The following TMEM108 variants were observed in gnomAD, a reference collection of about 807,000 sequenced individuals.
The protein encoded by TMEM108 is cancer/testis antigen 124.
TMEM108 carries 12 observed loss-of-function variants against 35.1 expected under a neutral mutation model. That is an observed-to-expected ratio of 0.34 (90% confidence interval 0.22 to 0.55). TMEM108 has a LOEUF of 0.55. Among genes scored for constraint, TMEM108 ranks in the 20% least tolerant of loss-of-function variants. TMEM108 has a pLI of 0.89. For synonymous variants in TMEM108, 287 were observed against 308.6 expected (o/e 0.93, Z 0.73); for missense variants, 680 against 753.3 (o/e 0.90, Z 1.14).
At chr3:133,088,874 C>T (rs1036071638) in intron 2 of TMEM108, among the ~76,000 whole-genome samples, 3 of 152,150 alleles carry the variant, frequency 2.0e-5, no homozygotes, top group Non-Finnish European at 1.5e-5. Context: ...TCCATTCTTG[C>T]ATTGCTATCA....
intron 2 of TMEM108, among the ~76,000 whole-genome samples, chr3:133,134,916 C>T (rs1011791369): frequency 6.6e-6 from 1 of 152,074 alleles, no homozygotes; most frequent in East Asian, 1.9e-4. Context: ...GTTGTTTGCT[C>T]TATGTCTGTC....
chr3:133,255,456 C>T (rs532995061), intron 3 of TMEM108, among the ~76,000 whole-genome samples: 2 of 151,930 alleles, frequency 1.3e-5, no homozygotes, highest in Non-Finnish European at 1.5e-5. Flanking sequence ...TGTACTAAAA[C>T]AGAGCTTAAG....
chr3:133,123,190 C>G (rs1944375205), intron 2 of TMEM108, among the ~76,000 whole-genome samples: 1 of 152,166 alleles, frequency 6.6e-6, no homozygotes, highest in African/African-American at 2.4e-5. Context: ...TTTTTAATGG[C>G]TATATTGTAT....
At chr3:133,332,202 G>C (rs1024051214) in intron 3 of TMEM108, among the ~76,000 whole-genome samples, 5 of 152,160 alleles carry the variant, frequency 3.3e-5, no homozygotes, top group African/African-American at 1.2e-4. Flanking sequence ...AAGTCTTATA[G>C]GGGAGGGGTG....
In TMEM108 at chr3:133,296,761, G is replaced by C. The variant is rs116006985; in HGVS notation, c.40+67410G>C. Among the ~76,000 whole-genome samples, 387 of 152,194 alleles carry C rather than the reference G, an allele frequency of 2.5e-3. 1 individual carries two copies. The highest frequency in any genetic ancestry group is 8.8e-3 in the African/African-American group (367 of 41,518). On this transcript the variant is annotated intron_variant, in intron 3 of 5. Coordinates refer to ENST00000321871, the MANE Select transcript of TMEM108 (RefSeq NM_023943.4). ...CTGAGAGCTGGCATAGAAGGATTAG[G>C]AGCACACATAGAGGGAGTGTCCAGC...
chr3:133,224,538 G>T (rs1946039822), intron 2 of TMEM108, among the ~76,000 whole-genome samples: 1 of 152,088 alleles, frequency 6.6e-6, no homozygotes, highest in African/African-American at 2.4e-5. Context: ...AATCATGGGG[G>T]TGGTTTTCCC....
intron 1 of TMEM108, among the ~76,000 whole-genome samples, chr3:133,043,392 AT>A (rs1943298177): frequency 6.6e-6 from 1 of 152,164 alleles, no homozygotes; most frequent in Non-Finnish European, 1.5e-5. Context: ...GGGGTAAGAT[AT>A]GGGGTAAACT....
At chr3:133,079,570 T>C (rs1943784692) in intron 2 of TMEM108, among the ~76,000 whole-genome samples, 1 of 152,192 alleles carries the variant, frequency 6.6e-6, no homozygotes, top group African/African-American at 2.4e-5. Context: ...CTGGAGTCCC[T>C]CTTACAAGGG....
intron 2 of TMEM108, among the ~76,000 whole-genome samples, chr3:133,126,453 T>A (rs1251913594): frequency 1.4e-5 from 2 of 148,146 alleles, no homozygotes; most frequent in East Asian, 4.0e-4. Flanking sequence ...GGCAACAGAG[T>A]GAGACTTTGT....
intron 3 of TMEM108, among the ~76,000 whole-genome samples, chr3:133,377,015 C>T (rs1253909391): frequency 6.6e-6 from 1 of 152,158 alleles, no homozygotes; most frequent in East Asian, 1.9e-4. Flanking sequence ...CTCTAGCTGC[C>T]GTGTCCTCAC....
At chr3:133,129,179 C>T (rs1040242098) in intron 2 of TMEM108, among the ~76,000 whole-genome samples, 1 of 151,950 alleles carries the variant, frequency 6.6e-6, no homozygotes, top group Non-Finnish European at 1.5e-5. Context: ...ACCCTGTCTA[C>T]CAAAAATACA....
chr3:133,135,970 A>AG (rs1944559734), intron 2 of TMEM108, among the ~76,000 whole-genome samples: 1 of 152,146 alleles, frequency 6.6e-6, no homozygotes, highest in Admixed American at 6.5e-5. Context: ...TTGAGATGTT[A>AG]GGGGGGATAT....
intron 3 of TMEM108, among the ~76,000 whole-genome samples, chr3:133,378,854 G>A (rs550985843): frequency 6.7e-6 from 1 of 148,662 alleles, no homozygotes; most frequent in Non-Finnish European, 1.5e-5. Context: ...TACTCAAAAA[G>A]GCTGGATATC....
Position 133,390,173 on chromosome 3 carries a change from T to A in TMEM108, c.1451-7T>A. The A allele has an allele frequency of 6.2e-7, 1 of 1,614,010 alleles. No homozygotes were observed. Among genetic ancestry groups the A allele is most frequent in the Non-Finnish European group, 8.5e-7 (1 of 1,179,974 alleles). On this transcript the variant is annotated splice_polypyrimidine_tract_variant and splice_region_variant and intron_variant, in intron 4 of 5. Transcript: ENST00000321871. ...CCTCTCCTCTCTGACTTGCACTCTC[T>A]CCATAGCTGTCCTGCTGACGGTGTG...
chr3:133,050,432 A>G lies in TMEM108; in HGVS notation c.-47+4412A>G, dbSNP rs80272922. Among the ~76,000 whole-genome samples, 337 of 152,268 alleles carry G rather than the reference A, an allele frequency of 2.2e-3. 2 individuals carry two copies. The highest frequency in any genetic ancestry group is 7.8e-3 in the African/African-American group (325 of 41,566). ...CTCCTACTCCTCCTACTCCCTATACATGCATGGCCTCCCCCAATGTCAGCA... is the reference window on the plus strand; with the variant it reads ...CTCCTACTCCTCCTACTCCCTATACGTGCATGGCCTCCCCCAATGTCAGCA... On this transcript the variant is annotated intron_variant, in intron 2 of 5. Coordinates refer to ENST00000321871, the MANE Select transcript of TMEM108 (RefSeq NM_023943.4).
intron 2 of TMEM108, among the ~76,000 whole-genome samples, chr3:133,109,504 G>A (rs1944200481): frequency 2.0e-5 from 3 of 152,078 alleles, no homozygotes. Flanking sequence ...GTATCTCTGG[G>A]GAGAGTTCAG....
chr3:133,047,177 C>CTAT, intron 2 of TMEM108, among the ~76,000 whole-genome samples: 1 of 152,308 alleles, frequency 6.6e-6, no homozygotes, highest in Middle Eastern at 3.4e-3. Context: ...CCGATGCAGA[C>CTAT]TATAGCTCAG....
chr3:133,271,604 C>G (rs767465037), intron 3 of TMEM108, among the ~76,000 whole-genome samples: 1 of 152,158 alleles, frequency 6.6e-6, no homozygotes, highest in Non-Finnish European at 1.5e-5. Context: ...TGGCTTCACA[C>G]GATTGCCCAG....
At chr3:133,282,807 G>A (rs1402417341) in intron 3 of TMEM108, among the ~76,000 whole-genome samples, 1 of 152,076 alleles carries the variant, frequency 6.6e-6, no homozygotes, top group Non-Finnish European at 1.5e-5. Flanking sequence ...CCCCGTAAAT[G>A]CTCATAAAGA....
Sources: allele counts gnomAD v4.1 joint callset (sites outside exome capture counted in the v4.1 genomes callset), GRCh38; gene constraint gnomAD v4.1.1; transcripts MANE v1.5; gene names NCBI Gene and HGNC (gene_info 2026-07-23, HGNC 2026-07-21).